ZNF600: variants seen among roughly 807,000 people sequenced by gnomAD.
ZNF600 encodes the protein zinc finger protein 600.
Under a neutral mutation model 7.3 loss-of-function variants are expected in ZNF600, and 4 were observed. The ratio of observed to expected loss-of-function variants is 0.55; its 90% confidence interval spans 0.27 to 1.25. ZNF600 has a LOEUF of 1.25. ZNF600 is among the 50% of genes most tolerant of loss of function. The pLI, the probability that ZNF600 is intolerant of heterozygous loss-of-function variation, is 0.12. For missense variants in ZNF600, 911 were observed against 922.1 expected, an observed-to-expected ratio of 0.99 and a Z score of 0.16; for synonymous variants, 290 against 308.9, an observed-to-expected ratio of 0.94 and a Z score of 0.64.
chr19:52,805,425 C>T, the ZNF600 span: 3 of 151,706 alleles, frequency 2.0e-5, no homozygotes, highest in Non-Finnish European at 2.9e-5. Context: ...GAGATTGAGA[C>T]TATCCTGGCC....
chr19:52,794,079 G>A, the ZNF600 span, among the ~76,000 whole-genome samples: 3 of 151,872 alleles, frequency 2.0e-5, no homozygotes, highest in African/African-American at 4.8e-5. Context: ...AGAGAGCTGA[G>A]GAGACAACTG....
chr19:52,803,317 A>G, the ZNF600 span, among the ~76,000 whole-genome samples: 134,127 of 151,960 alleles, frequency 0.88, 59,413 homozygotes, highest in East Asian at 0.91. Context: ...CTGACCTCAG[A>G]TGATCCACAC....
At chr19:52,790,164 G>GCGTATA (rs2062787700), upstream of ZNF600, among the ~76,000 whole-genome samples, 1 of 152,152 alleles carries the variant, frequency 6.6e-6, no homozygotes, top group South Asian at 2.1e-4. Context: ...GGCCATCTGG[G>GCGTATA]CGTATACGTG....
At chr19:52,782,931 G>A (rs377062906) in intron 1 of ZNF600, among the ~76,000 whole-genome samples, 2 of 122,650 alleles carry the variant, frequency 1.6e-5, no homozygotes, top group East Asian at 2.0e-4. Flanking sequence ...AACTAATGAA[G>A]AGAGGAACTA....
chr19:52,772,382 C>A (rs1230840950), intron 3 of ZNF600, among the ~76,000 whole-genome samples: 1 of 152,108 alleles, frequency 6.6e-6, no homozygotes, highest in Non-Finnish European at 1.5e-5. Context: ...GCAGGTACAT[C>A]ACTTGAGGTC....
chr19:52,782,860 GAA>G (rs2062734088), intron 1 of ZNF600, among the ~76,000 whole-genome samples: 1 of 151,572 alleles, frequency 6.6e-6, no homozygotes, highest in African/African-American at 2.4e-5. Context: ...GCATGACAGA[GAA>G]AGACTCCATC....
At chr19:52,793,570 G>C in the ZNF600 span, among the ~76,000 whole-genome samples, 2 of 152,110 alleles carry the variant, frequency 1.3e-5, no homozygotes, top group African/African-American at 4.8e-5. Flanking sequence ...AGAGGTCCTG[G>C]GGACAGAGAT....
exon 1 of ZNF600, chr19:52,786,775 T>C: frequency 3.4e-6 from 1 of 291,454 alleles, no homozygotes. Flanking sequence ...CTTCCGGGTT[T>C]GTGCGCGCCC....
the ZNF600 span, among the ~76,000 whole-genome samples, chr19:52,822,958 A>G: frequency 6.6e-6 from 1 of 152,182 alleles, no homozygotes; most frequent in Non-Finnish European, 1.5e-5. Flanking sequence ...CGTGTTCCCA[A>G]GTAGAGACGT....
the ZNF600 span, chr19:52,809,822 A>AGGCAGCGGCGGC: frequency 4.9e-4 from 256 of 527,346 alleles, 1 homozygote; most frequent in Middle Eastern, 2.6e-3. Flanking sequence ...TGAGCGGCGA[A>AGGCAGCGGCGGC]GGCGGCGGCG....
chr19:52,822,292 G>C, the ZNF600 span, among the ~76,000 whole-genome samples: 4 of 151,896 alleles, frequency 2.6e-5, no homozygotes, highest in South Asian at 6.2e-4. Context: ...GGCTGGTCTC[G>C]AACTCCTGAC....
the ZNF600 span, chr19:52,809,980 C>G: frequency 1.3e-6 from 1 of 780,450 alleles, no homozygotes; most frequent in South Asian, 1.5e-5. Context: ...GGCCTGGAGT[C>G]TGAGGAACTG....
chr19:52,811,873 G>A, the ZNF600 span, among the ~76,000 whole-genome samples: 9 of 136,020 alleles, frequency 6.6e-5, no homozygotes, highest in South Asian at 4.9e-4. Flanking sequence ...CAGCCGCCCC[G>A]TCCGGGAGGG....
At chr19:52,820,635 A>C in the ZNF600 span, among the ~76,000 whole-genome samples, 16,452 of 149,648 alleles carry the variant, frequency 0.11, 672 homozygotes, top group African/African-American at 0.23. Context: ...GCTCTGTCTG[A>C]CCCGGCTCCA....
the ZNF600 span, chr19:52,821,800 C>G: frequency 2.0e-5 from 3 of 152,110 alleles, no homozygotes; most frequent in Admixed American, 6.6e-5. Context: ...AGCCTCCTCC[C>G]AGGCCATGTT....
At chr19:52,823,102 C>T in the ZNF600 span, among the ~76,000 whole-genome samples, 1 of 152,120 alleles carries the variant, frequency 6.6e-6, no homozygotes, top group Non-Finnish European at 1.5e-5. Context: ...TTTATCACTC[C>T]ATAAGAAGGG....
chr19:52,817,509 G>C, the ZNF600 span, among the ~76,000 whole-genome samples: 14 of 152,208 alleles, frequency 9.2e-5, no homozygotes, highest in African/African-American at 2.4e-4. Flanking sequence ...TATAAAATCA[G>C]GGAGAAAAGA....
chr19:52,828,606 T>C, the ZNF600 span, among the ~76,000 whole-genome samples: 1 of 152,134 alleles, frequency 6.6e-6, no homozygotes. Context: ...ATGCATAAGA[T>C]ATAAAACATA....
chr19:52,799,172 T>G, the ZNF600 span: 1 of 407,640 alleles, frequency 2.5e-6, no homozygotes, highest in Non-Finnish European at 4.8e-6. Flanking sequence ...CTATGCCACA[T>G]TCATTACACT....
Sources: gnomAD v4.1 joint callset for allele counts (sites outside exome capture counted in the v4.1 genomes callset) on GRCh38, gnomAD v4.1.1 for gene constraint, MANE v1.5 for transcripts, NCBI Gene and HGNC (gene_info 2026-07-23, HGNC 2026-07-21) for gene names.